Variants in CNBD1 observed in about 807,000 individuals in gnomAD.
CNBD1 encodes cyclic nucleotide-binding domain-containing protein 1.
CNBD1 carries 71 observed loss-of-function variants against 54.4 expected under a neutral mutation model. The observed-to-expected ratio is 1.30, with a 90% confidence interval of 1.08 to 1.59. The LOEUF is 1.59. Among genes scored for constraint, CNBD1 ranks in the 40% most tolerant of loss-of-function variants. The probability of loss-of-function intolerance (pLI) is 0.00; values close to 1 mark genes in which losing one functional copy is unlikely to be tolerated. For missense variants in CNBD1, 659 were observed against 518.0 expected, an observed-to-expected ratio of 1.27 and a Z score of -2.64; for synonymous variants, 182 against 170.7, an observed-to-expected ratio of 1.07 and a Z score of -0.51.
intron 2 of CNBD1, among the ~76,000 whole-genome samples, chr8:87,389,932 G>A (rs1414932344): frequency 6.6e-6 from 1 of 152,114 alleles, no homozygotes; most frequent in Non-Finnish European, 1.5e-5. Flanking sequence ...AGAGCCCTCA[G>A]AAATAATGCC....
rs147516777 is a variant in CNBD1 at position 87,412,871 on chromosome 8, G to A, written c.214-15675G>A. 3.9e-3 allele frequency among the ~76,000 whole-genome samples: 594 copies of A among 152,116 alleles called. 7 individuals carry two copies. Among genetic ancestry groups the A allele is most frequent in the African/African-American group, 0.014 (569 of 41,520 alleles). ...TTGTGAGGCTCTTATATAAGACAAG[G>A]TAAACATGCGAAAAGAAGGAATAGA... is the stretch of plus-strand genomic sequence containing the variant. On this transcript the variant is annotated intron_variant, in intron 2 of 7. Transcript: ENST00000521593.
At chr8:87,094,874 C>T (rs895404155) in intron 4 of CNBD1, among the ~76,000 whole-genome samples, 7 of 152,148 alleles carry the variant, frequency 4.6e-5, no homozygotes, top group Admixed American at 1.3e-4. Context: ...CCTGTCTCTA[C>T]TAAAAATACA....
intron 4 of CNBD1, among the ~76,000 whole-genome samples, chr8:86,975,972 T>A (rs981653418): frequency 6.6e-6 from 1 of 151,992 alleles, no homozygotes; most frequent in South Asian, 2.1e-4. Flanking sequence ...TATATTTTTC[T>A]GATGGTTAGT....
chr8:87,106,453 C>G (rs1252132786), intron 4 of CNBD1, among the ~76,000 whole-genome samples: 1 of 152,178 alleles, frequency 6.6e-6, no homozygotes, highest in Non-Finnish European at 1.5e-5. Flanking sequence ...TCAAGTGATC[C>G]ACCTGCCTCA....
intron 8 of CNBD1, among the ~76,000 whole-genome samples, chr8:87,291,260 A>T (rs1015330226): frequency 7.1e-6 from 1 of 141,800 alleles, no homozygotes; most frequent in African/African-American, 2.7e-5. Flanking sequence ...TAGTGTCACT[A>T]TCGCCATTGA....
At chr8:87,306,579 G>A (rs1411470687) in intron 8 of CNBD1, among the ~76,000 whole-genome samples, 2 of 152,138 alleles carry the variant, frequency 1.3e-5, no homozygotes, top group Non-Finnish European at 2.9e-5. Flanking sequence ...ATACTACACA[G>A]CCATTAAAAG....
rs148043820 is a variant in CNBD1, at chr8:87,194,415, C to A, written c.432-11578C>A. On this transcript the variant is annotated intron_variant, in intron 4 of 10. Coordinates refer to ENST00000518476, the MANE Select transcript of CNBD1 (RefSeq NM_173538.3). ...GCATGTTTCAGTTGTAAAAATAGAT[C>A]ATTAAGAATCACTTATAATCTTGGC... Among the ~76,000 whole-genome samples the A allele has an allele frequency of 2.6e-3, 402 of 152,226 alleles. 3 individuals carry two copies. The highest frequency in any genetic ancestry group is 9.1e-3 in the African/African-American group (377 of 41,538).
intron 2 of CNBD1, among the ~76,000 whole-genome samples, chr8:87,395,175 T>C (rs1176702877): frequency 6.6e-6 from 1 of 151,960 alleles, no homozygotes; most frequent in Admixed American, 6.6e-5. Flanking sequence ...CATTCTACTC[T>C]CTACTTTCAT....
chr8:87,240,065 A>AACAC (rs10608912), intron 6 of CNBD1, among the ~76,000 whole-genome samples: 3,435 of 146,492 alleles, frequency 0.023, 100 homozygotes, highest in African/African-American at 0.069. Flanking sequence ...TCTGTGCCAA[A>AACAC]ACACACACAC....
intron 4 of CNBD1, among the ~76,000 whole-genome samples, chr8:86,984,515 C>A (rs1054603103): frequency 1.3e-5 from 2 of 152,144 alleles, no homozygotes; most frequent in Admixed American, 1.3e-4. Flanking sequence ...TCAATGCCAG[C>A]CTGTGAAAGC....
At chr8:87,242,468 C>A (rs1234568108) in intron 6 of CNBD1, among the ~76,000 whole-genome samples, 1 of 151,990 alleles carries the variant, frequency 6.6e-6, no homozygotes, top group Non-Finnish European at 1.5e-5. Context: ...ATTAATTAAC[C>A]CTTTATATTA....
intron 8 of CNBD1, among the ~76,000 whole-genome samples, chr8:87,309,323 C>A (rs2130889333): frequency 6.6e-6 from 1 of 152,198 alleles, no homozygotes; most frequent in South Asian, 2.1e-4. Flanking sequence ...ATCATCTCTG[C>A]TTCTCCATGC....
intron 4 of CNBD1, among the ~76,000 whole-genome samples, chr8:87,138,710 A>AAG (rs1330286108): frequency 6.6e-6 from 1 of 152,162 alleles, no homozygotes; most frequent in Non-Finnish European, 1.5e-5. Flanking sequence ...ACACTAACAT[A>AAG]ACGTGTTTAT....
At chr8:87,415,676 A>G (rs1340257763) in intron 2 of CNBD1, among the ~76,000 whole-genome samples, 2 of 152,022 alleles carry the variant, frequency 1.3e-5, no homozygotes, top group African/African-American at 4.8e-5. Context: ...TCAAGACAGC[A>G]TTAATGAGCA....
chr8:86,990,191 C>T (rs886239056), intron 4 of CNBD1, among the ~76,000 whole-genome samples: 5 of 152,074 alleles, frequency 3.3e-5, no homozygotes, highest in African/African-American at 4.8e-5. Flanking sequence ...TGTGCAGAAG[C>T]TTTATAACTT....
rs150388559 is a variant in CNBD1, at chr8:87,022,033, A to G, written c.431+82279A>G. On this transcript the variant is annotated intron_variant, in intron 4 of 10. Coordinates refer to ENST00000518476, the MANE Select transcript of CNBD1 (RefSeq NM_173538.3). ...ATTTGTGCATGTAAATAGCATACCC[A>G]TGTTTGAACTTACAGATTAAGCATA... Among the ~76,000 whole-genome samples the G allele has an allele frequency of 3.1e-3, 473 of 152,318 alleles. 2 individuals carry two copies. The highest frequency in any genetic ancestry group is 5.0e-3 in the Non-Finnish European group (341 of 68,030).
intron 4 of CNBD1, among the ~76,000 whole-genome samples, chr8:87,197,174 G>A (rs1443563420): frequency 6.6e-6 from 1 of 152,184 alleles, no homozygotes; most frequent in Non-Finnish European, 1.5e-5. Context: ...ACCTCTCAAT[G>A]TATGACTTTT....
chr8:86,934,600 A>G (rs1009278674), intron 3 of CNBD1, among the ~76,000 whole-genome samples: 5 of 152,184 alleles, frequency 3.3e-5, no homozygotes, highest in Non-Finnish European at 7.4e-5. Flanking sequence ...CCTTCAGTAT[A>G]ATATTTGCTG....
intron 4 of CNBD1, among the ~76,000 whole-genome samples, chr8:87,031,030 C>T (rs1257883747): frequency 6.8e-6 from 1 of 147,868 alleles, no homozygotes; most frequent in African/African-American, 2.5e-5. Flanking sequence ...CAGAAGCCCT[C>T]TTCACCAAGC....
Sources: allele counts gnomAD v4.1 joint callset (sites outside exome capture counted in the v4.1 genomes callset), GRCh38; gene constraint gnomAD v4.1.1; transcripts MANE v1.5; gene names NCBI Gene and HGNC (gene_info 2026-07-23, HGNC 2026-07-21).